The following WDFY3 variants were observed in gnomAD, a reference collection of about 807,000 sequenced individuals.
WDFY3 encodes the protein WD repeat and FYVE domain containing 3.
Under a neutral mutation model 409.6 loss-of-function variants are expected in WDFY3, and 66 were observed. The ratio of observed to expected loss-of-function variants is 0.16; its 90% CI spans 0.13 to 0.20. The LOEUF (loss-of-function observed/expected upper bound fraction) is 0.20, where lower values mean the gene tolerates loss of function less well. Among genes scored for constraint, WDFY3 ranks in the 10% least tolerant of loss-of-function variants. The pLI, the probability that WDFY3 is intolerant of heterozygous loss-of-function variation, is 1.00. For synonymous variants in WDFY3, 1,521 were observed against 1,537.1 expected, an observed-to-expected ratio of 0.99 and a Z score of 0.25; for missense variants, 3,031 against 4,298.1, an observed-to-expected ratio of 0.71 and a Z score of 8.24.
rs542889737 is a variant in WDFY3 at position 84,775,859 on chromosome 4, T to C, written c.4519-721A>G. Among the ~76,000 whole-genome samples the C allele has an allele frequency of 1.4e-4, 22 of 151,978 alleles. 1 individual carries two copies. The East Asian group carries it at 4.1e-3, about 28-fold the overall frequency. On this transcript the variant is annotated intron_variant, in intron 27 of 67. Transcript: ENST00000295888. ...ATAAAAACAGTCAACTAGAACTCTA[T>C]TCCATGCAAAAATGTCCTTCAAAAA...
intron 67 of WDFY3, 109 bp downstream of exon 67, chr4:84,677,090 G>T: frequency 8.1e-7 from 1 of 1,241,610 alleles, no homozygotes. Flanking sequence ...TACCAACAAG[G>T]CATACTGTAG....
chr4:84,904,324 T>A (rs945400097), intron 2 of WDFY3, among the ~76,000 whole-genome samples: 1 of 152,010 alleles, frequency 6.6e-6, no homozygotes, highest in African/African-American at 2.4e-5. Context: ...CACTGCAACC[T>A]CCACCTCCTG....
chr4:84,895,580 G>A (rs982602816), intron 3 of WDFY3, among the ~76,000 whole-genome samples: 5 of 152,192 alleles, frequency 3.3e-5, no homozygotes, highest in South Asian at 2.1e-4. Flanking sequence ...GTCACAGGAA[G>A]AGCCTAAAAG....
chr4:84,821,052 A>T, intron 11 of WDFY3, 32 bp downstream of exon 11: 2 of 1,532,280 alleles, frequency 1.3e-6, no homozygotes, highest in Non-Finnish European at 1.8e-6. Context: ...ACCCCTTTTC[A>T]AATAAAAATA....
Position 84,904,262 on chromosome 4 carries a change from C to T in WDFY3, c.-131-7252G>A, listed in dbSNP as rs550760663. ...CATTCATTCATTCATTTATTTGAGA[C>T]GGAGTTTCGCTCTTGTTGCCCAGGC... On this transcript the variant is annotated intron_variant, in intron 2 of 67. Coordinates refer to ENST00000295888, the MANE Select transcript of WDFY3 (RefSeq NM_014991.6). 1.1e-4 allele frequency among the ~76,000 whole-genome samples: 17 copies of T among 152,156 alleles called. No homozygotes were observed. The East Asian group carries it at 2.3e-3, about 21-fold the overall frequency.
At chr4:84,692,097 A>G (rs1351466198) in intron 59 of WDFY3, among the ~76,000 whole-genome samples, 1 of 152,184 alleles carries the variant, frequency 6.6e-6, no homozygotes, top group Non-Finnish European at 1.5e-5. Context: ...GCTCCCCAGA[A>G]TGTCATAGGG....
At chr4:84,894,280 TTAAA>T (rs1765319808) in intron 3 of WDFY3, among the ~76,000 whole-genome samples, 1 of 152,202 alleles carries the variant, frequency 6.6e-6, no homozygotes, top group African/African-American at 2.4e-5. Flanking sequence ...GTTTTCTACT[TTAAA>T]TAACGGTCAA....
chr4:84,787,840 G>A (rs1004483544), intron 22 of WDFY3, 127 bp from the exon 23 acceptor site: 4 of 869,420 alleles, frequency 4.6e-6, no homozygotes, highest in Non-Finnish European at 7.0e-6. Context: ...AACATTTGGG[G>A]TGGAGAAACA....
In WDFY3 at chr4:84,726,769, G is replaced by C. The variant is rs539845914; in HGVS notation, c.7272+92C>G. ...AATTGAAAGCCAATCTTTTAAGTTA[G>C]TCTAGTCTACCATGCACTTAAAAAA... On this transcript the variant is annotated intron_variant, in intron 45 of 67. Transcript: ENST00000295888. The C allele has an allele frequency of 4.6e-5, 51 of 1,100,344 alleles. No individual in the cohort carries two copies. In the African/African-American group the frequency reaches 6.4e-4, roughly 14 times the overall value. The allele number at this position is 1,100,344 out of a possible 1,614,324, so 68.2% of individuals were successfully genotyped here. A position where few individuals can be genotyped will look rare whatever the true frequency, so the allele number is the denominator to read the frequency against.
At chr4:84,701,456 C>A (rs1465410013) in intron 56 of WDFY3, among the ~76,000 whole-genome samples, 1 of 152,104 alleles carries the variant, frequency 6.6e-6, no homozygotes, top group Non-Finnish European at 1.5e-5. Context: ...CCTGTATTTT[C>A]TGTTCATGAA....
At chr4:84,809,051 T>C (rs895220098) in intron 14 of WDFY3, 8 of 152,210 alleles carry the variant, frequency 5.3e-5, no homozygotes, top group African/African-American at 1.7e-4. Flanking sequence ...AGTTCATTTA[T>C]TTTATGTAGT....
At chr4:84,781,237 T>A (rs77331547) in intron 25 of WDFY3, among the ~76,000 whole-genome samples, 2 of 150,712 alleles carry the variant, frequency 1.3e-5, no homozygotes, top group Admixed American at 6.6e-5. Context: ...AAAAAAAAAA[T>A]CACACCTACA....
chr4:84,695,251 A>T (rs372536221), intron 58 of WDFY3, among the ~76,000 whole-genome samples: 1 of 152,116 alleles, frequency 6.6e-6, no homozygotes, highest in South Asian at 2.1e-4. Context: ...TGAGAGGCTT[A>T]GATCTTGGTC....
intron 7 of WDFY3, 123 bp downstream of exon 7, chr4:84,836,806 G>T: frequency 1.2e-6 from 1 of 847,070 alleles, no homozygotes; most frequent in Non-Finnish European, 1.6e-6. Context: ...ATGAGATAAA[G>T]TCATACTATC....
In WDFY3 at chr4:84,721,511, G is replaced by A. The variant is rs772881751; in HGVS notation, c.7503C>T (p.Asn2501=). The A allele has an allele frequency of 1.2e-6, 2 of 1,612,044 alleles. No individual in the cohort carries two copies. Among genetic ancestry groups the A allele is most frequent in the Non-Finnish European group, 1.7e-6 (2 of 1,180,016 alleles). Residue 2501 remains asparagine, a synonymous_variant, in exon 47 of 68, where the codon AAC becomes AAT. Transcript: ENST00000295888. ...RSAPDGGDEE[N]QEQLQDQIAE... is the part of the protein sequence containing the mutation. ...CAATCTGGTCTTGTAGCTGCTCCTG[G>A]TTCTCCTCATCTCCTCCATCAGGTG...
chr4:84,682,618 TGTGGCAGCGGGCTGCCTGCACAC>T, intron 63 of WDFY3, 148 bp from the exon 64 acceptor site: 1 of 676,216 alleles, frequency 1.5e-6, no homozygotes, highest in Non-Finnish European at 2.5e-6. Context: ...TCTTGGAAGA[TGTGGCAGCGGGCTGCCTGCACAC>T]AATGGCTGTT....
At chr4:84,827,189 A>T (rs546624973) in intron 9 of WDFY3, among the ~76,000 whole-genome samples, 7 of 152,168 alleles carry the variant, frequency 4.6e-5, no homozygotes, top group African/African-American at 1.7e-4. Context: ...TACCCTTTAA[A>T]AAAAAAAAAG....
chr4:84,755,459 A>C (rs1365381662), intron 33 of WDFY3, 59 bp from the exon 34 acceptor site: 2 of 1,551,146 alleles, frequency 1.3e-6, no homozygotes, highest in African/African-American at 2.8e-5. Context: ...AGAGACCCTC[A>C]TAAGTTCTAA....
intron 17 of WDFY3, among the ~76,000 whole-genome samples, chr4:84,798,771 C>T (rs1749959411): frequency 1.3e-5 from 2 of 152,134 alleles, no homozygotes; most frequent in South Asian, 4.1e-4. Context: ...GTCTTAATTA[C>T]CTCCTGTGAC....
Sources: gnomAD v4.1 joint callset for allele counts (sites outside exome capture counted in the v4.1 genomes callset) on GRCh38, gnomAD v4.1.1 for gene constraint, MANE v1.5 for transcripts, NCBI Gene and HGNC (gene_info 2026-07-23, HGNC 2026-07-21) for gene names.